Variants in C17orf67 observed in about 807,000 individuals in gnomAD.
C17orf67 encodes the protein uncharacterized protein C17orf67.
A neutral mutation model predicts 11.2 loss-of-function variants in C17orf67; 12 were observed. The ratio of observed to expected loss-of-function variants is 1.07; its 90% CI spans 0.68 to 1.73. C17orf67 has a LOEUF of 1.73. Ranked by LOEUF, C17orf67 falls within the 40% of genes most tolerant of loss-of-function variation. The probability of loss-of-function intolerance (pLI) is 0.00; values close to 1 mark genes in which losing one functional copy is unlikely to be tolerated. For synonymous variants in C17orf67, 59 were observed against 46.9 expected (o/e 1.26, Z -1.05); for missense variants, 115 against 113.5 (o/e 1.01, Z -0.06).
At chr17:56,797,816 C>T (rs977903772) in intron 6 of C17orf67, among the ~76,000 whole-genome samples, 1 of 152,168 alleles carries the variant, frequency 6.6e-6, no homozygotes, top group Non-Finnish European at 1.5e-5. Flanking sequence ...CCAAATGCGC[C>T]TTGGTCTTCC....
rs571940038 is a variant in C17orf67, at chr17:56,826,487, T to C, written c.-556-1166A>G. Among the ~76,000 whole-genome samples the C allele has an allele frequency of 2.6e-5, 4 of 152,226 alleles. No homozygotes were observed. The South Asian group carries it at 8.3e-4, about 32-fold the overall frequency. Reference sequence around the variant, plus strand: ...CAGGTTCTCTTCCCAGGCCTCACAATCCCATCTAACACTCCTCCCACTTCA... The same window carrying C: ...CAGGTTCTCTTCCCAGGCCTCACAACCCCATCTAACACTCCTCCCACTTCA... On this transcript the variant is annotated intron_variant, in intron 2 of 7. Transcript: ENST00000397861.
chr17:56,830,824 T>C (rs191164902), intron 2 of C17orf67, among the ~76,000 whole-genome samples: 3 of 152,324 alleles, frequency 2.0e-5, no homozygotes, highest in Admixed American at 6.5e-5. Context: ...TTTACATAAA[T>C]GTGGGGCAAT....
intron 6 of C17orf67, among the ~76,000 whole-genome samples, chr17:56,808,921 A>G (rs1284829201): frequency 2.0e-5 from 3 of 151,888 alleles, no homozygotes; most frequent in East Asian, 1.9e-4. Context: ...ACCCTCATCA[A>G]TGGCCTCTTC....
At chr17:56,829,322 C>CA (rs1450990167) in intron 2 of C17orf67, among the ~76,000 whole-genome samples, 1 of 152,036 alleles carries the variant, frequency 6.6e-6, no homozygotes, top group Non-Finnish European at 1.5e-5. Context: ...TTCAAGAACT[C>CA]AAAGAAGAGA....
intron 6 of C17orf67, chr17:56,804,307 A>C (rs1235798190): frequency 6.6e-6 from 1 of 152,236 alleles, no homozygotes; most frequent in Non-Finnish European, 1.5e-5. Flanking sequence ...TCAAGGCAGG[A>C]CCTTTTTCCA....
chr17:56,815,725 G>A, intron 5 of C17orf67, 31 bp downstream of exon 5: 1 of 1,573,434 alleles, frequency 6.4e-7, no homozygotes, highest in East Asian at 2.3e-5. Context: ...TGTCAGCATA[G>A]AAATAGGCTG....
At chr17:56,795,548 C>T (rs1905196538) in intron 6 of C17orf67, among the ~76,000 whole-genome samples, 1 of 152,162 alleles carries the variant, frequency 6.6e-6, no homozygotes, top group African/African-American at 2.4e-5. Flanking sequence ...GATATTACAA[C>T]ACAGATTGCT....
At chr17:56,822,517 A>G (rs1421702843) in intron 4 of C17orf67, among the ~76,000 whole-genome samples, 3 of 152,216 alleles carry the variant, frequency 2.0e-5, no homozygotes, top group East Asian at 1.9e-4. Context: ...AATTCACCTC[A>G]TAAGGTTAAT....
intron 2 of C17orf67, among the ~76,000 whole-genome samples, chr17:56,826,970 G>A (rs538463287): frequency 3.3e-5 from 5 of 152,350 alleles, no homozygotes; most frequent in African/African-American, 1.2e-4. Context: ...TGTTTTGACA[G>A]GCCTGGCGCT....
chr17:56,821,423 A>T (rs1238585401), intron 4 of C17orf67, among the ~76,000 whole-genome samples: 1 of 152,208 alleles, frequency 6.6e-6, no homozygotes, highest in Admixed American at 6.5e-5. Context: ...TTTTTAAAAT[A>T]ATGATAGTAA....
intron 6 of C17orf67, among the ~76,000 whole-genome samples, chr17:56,796,871 TCAAA>T (rs1905223992): frequency 9.9e-6 from 1 of 100,626 alleles, no homozygotes; most frequent in East Asian, 3.3e-4. Context: ...CCAAAAGGGG[TCAAA>T]GGTGGCCCAC....
chr17:56,815,937 G>A lies in C17orf67; in HGVS notation c.-127C>T, dbSNP rs554758840. On this transcript the variant is annotated 5_prime_UTR_variant, in exon 5 of 8. An upstream open reading frame in the 5' UTR gains an earlier in-frame stop. Coordinates refer to ENST00000397861, the MANE Select transcript of C17orf67 (RefSeq NM_001085430.4). ...CTAACGGGACTTACGGTATGATGCT[G>A]AATGTATCTGACTCTGAGCGTTTTA... is the stretch of plus-strand genomic sequence containing the variant. 4.5e-5 allele frequency: 69 copies of A among 1,525,716 alleles called. No individual in the cohort carries two copies. The East Asian group carries it at 1.3e-3, about 29-fold the overall frequency. The allele number at this position is 1,525,716 out of a possible 1,614,324, so 94.5% of individuals were successfully genotyped here.
chr17:56,798,043 A>G (rs1905245139), intron 6 of C17orf67, among the ~76,000 whole-genome samples: 1 of 149,312 alleles, frequency 6.7e-6, no homozygotes, highest in Non-Finnish European at 1.5e-5. Flanking sequence ...TGCCTATCAT[A>G]CTGAAGGTGG....
intron 6 of C17orf67, among the ~76,000 whole-genome samples, chr17:56,808,327 A>G (rs896090732): frequency 5.9e-5 from 9 of 152,236 alleles, no homozygotes; most frequent in African/African-American, 2.2e-4. Context: ...CAGTGTCCAG[A>G]GTTACCATAA....
At chr17:56,797,606 A>G (rs982083227) in intron 6 of C17orf67, among the ~76,000 whole-genome samples, 1 of 152,144 alleles carries the variant, frequency 6.6e-6, no homozygotes, top group Middle Eastern at 3.2e-3. Flanking sequence ...CAGGTGTGCT[A>G]CCACCAGAGA....
Position 56,814,802 on chromosome 17 carries a change from T to C in C17orf67, c.156+67A>G, listed in dbSNP as rs1032796073. On this transcript the variant is annotated intron_variant, in intron 6 of 7. Coordinates refer to ENST00000397861, the MANE Select transcript of C17orf67 (RefSeq NM_001085430.4). Reference sequence around the variant, plus strand: ...AGCAGCCCATGCTGGGACCAACACCTAGTTTCATAGTGAATGGCATTCAAA... The same window carrying C: ...AGCAGCCCATGCTGGGACCAACACCCAGTTTCATAGTGAATGGCATTCAAA... 2.0e-6 allele frequency: 3 copies of C among 1,466,432 alleles called. No individual in the cohort carries two copies. The East Asian group carries it at 6.8e-5, about 33-fold the overall frequency. 90.8% of individuals were successfully genotyped at this position (1,466,432 alleles called of 1,614,324 possible).
chr17:56,800,353 C>G (rs1214955320), intron 6 of C17orf67, among the ~76,000 whole-genome samples: 1 of 152,210 alleles, frequency 6.6e-6, no homozygotes, highest in Non-Finnish European at 1.5e-5. Flanking sequence ...GCGTGAGCCA[C>G]TGCGCCCGGC....
intron 4 of C17orf67, among the ~76,000 whole-genome samples, chr17:56,820,481 A>G (rs1351506064): frequency 1.3e-5 from 2 of 152,150 alleles, no homozygotes; most frequent in Admixed American, 6.5e-5. Context: ...AGACACACCA[A>G]TGAACATAAC....
intron 2 of C17orf67, among the ~76,000 whole-genome samples, chr17:56,829,091 C>T (rs1906121398): frequency 1.3e-5 from 2 of 151,928 alleles, no homozygotes; most frequent in Non-Finnish European, 2.9e-5. Context: ...CCAGCCTGGC[C>T]AGCAGTGAAA....
Sources: gnomAD v4.1 joint callset for allele counts (sites outside exome capture counted in the v4.1 genomes callset) on GRCh38, gnomAD v4.1.1 for gene constraint, MANE v1.5 for transcripts, NCBI Gene and HGNC (gene_info 2026-07-23, HGNC 2026-07-21) for gene names.